Variants in TMCC1 observed in about 807,000 individuals in gnomAD.
TMCC1 encodes the protein transmembrane and coiled-coil domains protein 1.
TMCC1 carries 15 observed loss-of-function variants against 52.4 expected under a neutral mutation model. That is an observed-to-expected ratio of 0.29 (90% CI 0.19 to 0.44). The LOEUF is 0.44. Among genes scored for constraint, TMCC1 ranks in the 20% least tolerant of loss-of-function variants. The pLI, the probability that TMCC1 is intolerant of heterozygous loss-of-function variation, is 1.00. For synonymous variants in TMCC1, 279 were observed against 301.9 expected (o/e 0.92, Z 0.79); for missense variants, 503 against 806.0 (o/e 0.62, Z 4.55).
At chr3:129,793,440 T>C (rs907620247) in intron 4 of TMCC1, among the ~76,000 whole-genome samples, 1 of 152,248 alleles carries the variant, frequency 6.6e-6, no homozygotes, top group Non-Finnish European at 1.5e-5. Context: ...CAGTGAAGAA[T>C]GCCTACAGAC....
chr3:129,803,542 T>A (rs2057306927), intron 4 of TMCC1, among the ~76,000 whole-genome samples: 1 of 152,262 alleles, frequency 6.6e-6, no homozygotes, highest in Non-Finnish European at 1.5e-5. Context: ...ACTAATTGCA[T>A]TTCTATTTTC....
chr3:129,814,867 T>G (rs1278435639), intron 4 of TMCC1, among the ~76,000 whole-genome samples: 1 of 152,162 alleles, frequency 6.6e-6, no homozygotes, highest in Non-Finnish European at 1.5e-5. Context: ...ATTATAAGTA[T>G]CTATGTACCC....
intron 1 of TMCC1, among the ~76,000 whole-genome samples, chr3:129,891,153 C>T (rs1403157810): frequency 6.6e-6 from 1 of 152,224 alleles, no homozygotes; most frequent in East Asian, 1.9e-4. Context: ...ATACCTTCTC[C>T]TTAATGAGGC....
chr3:129,791,117 G>A (rs1318257871), intron 4 of TMCC1, among the ~76,000 whole-genome samples: 15 of 139,526 alleles, frequency 1.1e-4, no homozygotes, highest in African/African-American at 4.1e-4. Flanking sequence ...TTTTTGAGAC[G>A]GAGTCTCCCT....
intron 4 of TMCC1, among the ~76,000 whole-genome samples, chr3:129,775,379 A>T (rs2054950571): frequency 6.6e-6 from 1 of 152,040 alleles, no homozygotes; most frequent in African/African-American, 2.4e-5. Context: ...AGGTGGGAGG[A>T]CTGTCTGAGC....
intron 2 of TMCC1, 53 bp from the exon 3 acceptor site, chr3:129,832,879 T>TA (rs1424608644): frequency 5.9e-5 from 9 of 152,220 alleles, no homozygotes; most frequent in African/African-American, 1.7e-4. Context: ...TGGGGAAACT[T>TA]ACCTTTTACA....
intron 2 of TMCC1, among the ~76,000 whole-genome samples, chr3:129,862,038 A>G (rs533060270): frequency 2.2e-4 from 34 of 152,374 alleles, no homozygotes; most frequent in African/African-American, 8.2e-4. Flanking sequence ...AAAAAAGAAC[A>G]AAATACTGAT....
At chr3:129,761,822 C>T (rs2053622025) in intron 4 of TMCC1, among the ~76,000 whole-genome samples, 1 of 151,926 alleles carries the variant, frequency 6.6e-6, no homozygotes, top group African/African-American at 2.4e-5. Context: ...GAAACCCCAT[C>T]TCTACTAAAA....
chr3:129,878,215 C>T (rs933809327), intron 2 of TMCC1, among the ~76,000 whole-genome samples: 5 of 152,086 alleles, frequency 3.3e-5, no homozygotes, highest in African/African-American at 9.7e-5. Context: ...CTGCCCGCCT[C>T]GGCCTCCCAA....
intron 4 of TMCC1, among the ~76,000 whole-genome samples, chr3:129,730,861 G>T (rs572893781): frequency 1.1e-3 from 168 of 152,340 alleles, no homozygotes; most frequent in African/African-American, 3.9e-3. Context: ...TTATATAACA[G>T]TTTTTAAAAT....
At chr3:129,892,454 A>C (rs987590928) in intron 1 of TMCC1, 2 of 152,230 alleles carry the variant, frequency 1.3e-5, no homozygotes, top group African/African-American at 2.4e-5. Flanking sequence ...CAGAGAAAAA[A>C]ATGTATCTAC....
At chr3:129,893,011 T>C (rs2062045140) in intron 1 of TMCC1, among the ~76,000 whole-genome samples, 1 of 152,008 alleles carries the variant, frequency 6.6e-6, no homozygotes, top group South Asian at 2.1e-4. Flanking sequence ...CAGTTCAAAA[T>C]CAAAACAATA....
chr3:129,889,750 C>A, intron 1 of TMCC1, among the ~76,000 whole-genome samples: 1 of 151,514 alleles, frequency 6.6e-6, no homozygotes, highest in African/African-American at 2.4e-5. Context: ...AGAGTGAAGA[C>A]AAATGCTCAT....
At position 129,828,392 on chromosome 3, in the gene TMCC1, A is replaced by C. The variant is rs2058750686; in HGVS notation, c.-14T>G. Reference sequence around the variant, plus strand: ...CGAAGGCTCCATCAGTAGACTTAATATGCTTATTTGCAAACTCAAAAAAAT... The same window carrying C: ...CGAAGGCTCCATCAGTAGACTTAATCTGCTTATTTGCAAACTCAAAAAAAT... On this transcript the variant is annotated 5_prime_UTR_variant, in exon 4 of 7. Coordinates refer to ENST00000393238, the MANE Select transcript of TMCC1 (RefSeq NM_001017395.5). This position sits in a 1 kb window ranked among gnomAD's most constrained non-coding sequence, Gnocchi z 4.1. 6.2e-7 allele frequency: 1 copy of C among 1,604,062 alleles called. No individual in the cohort carries two copies. The highest frequency in any genetic ancestry group is 1.7e-5 in the Admixed American group (1 of 58,584).
At chr3:129,737,597 T>C (rs889180931) in intron 4 of TMCC1, among the ~76,000 whole-genome samples, 7 of 152,166 alleles carry the variant, frequency 4.6e-5, no homozygotes, top group Admixed American at 2.0e-4. Flanking sequence ...CCAAATCTGC[T>C]GGCACCTTGA....
intron 1 of TMCC1, among the ~76,000 whole-genome samples, chr3:129,888,090 T>C (rs992559981): frequency 3.3e-5 from 5 of 152,186 alleles, no homozygotes; most frequent in Non-Finnish European, 7.4e-5. Context: ...GATAAACTAG[T>C]TTCCCACAGG....
At chr3:129,849,937 CTT>C (rs2059842132) in intron 2 of TMCC1, among the ~76,000 whole-genome samples, 1 of 150,514 alleles carries the variant, frequency 6.6e-6, no homozygotes, top group Non-Finnish European at 1.5e-5. Flanking sequence ...TTTTTAAAAA[CTT>C]TTATTTTAGA....
intron 4 of TMCC1, among the ~76,000 whole-genome samples, chr3:129,672,565 A>G (rs2088045571): frequency 6.6e-6 from 1 of 152,100 alleles, no homozygotes; most frequent in African/African-American, 2.4e-5. Context: ...GCACCACTGC[A>G]CTCCAGTCTG....
At chr3:129,791,192 C>A (rs1017908383) in intron 4 of TMCC1, among the ~76,000 whole-genome samples, 1 of 148,784 alleles carries the variant, frequency 6.7e-6, no homozygotes, top group Admixed American at 6.8e-5. Context: ...CTCCCAGGTT[C>A]ATGCCATTCT....
Sources: gnomAD v4.1 joint callset for allele counts (sites outside exome capture counted in the v4.1 genomes callset) on GRCh38, gnomAD v4.1.1 for gene constraint, Gnocchi (gnomAD v3.1) non-coding constraint, MANE v1.5 for transcripts, NCBI Gene and HGNC (gene_info 2026-07-23, HGNC 2026-07-21) for gene names.